Variants in NR1D2 observed in about 807,000 individuals in gnomAD.
The protein encoded by NR1D2 is nuclear receptor subfamily 1 group D member 2.
NR1D2 carries 25 observed loss-of-function variants against 52.2 expected under a neutral mutation model. That is an observed-to-expected ratio of 0.48 (90% CI 0.35 to 0.67). The LOEUF is 0.67. Among genes scored for constraint, NR1D2 ranks in the 30% least tolerant of loss-of-function variants. The pLI, the probability that NR1D2 is intolerant of heterozygous loss-of-function variation, is 0.01. For missense variants in NR1D2, 681 were observed against 707.2 expected (o/e 0.96, Z 0.42); for synonymous variants, 259 against 230.1 (o/e 1.13, Z -1.14).
chr3:23,964,783 T>C (rs928269421), intron 5 of NR1D2, 194 bp from the exon 6 acceptor site: 2 of 456,894 alleles, frequency 4.4e-6, no homozygotes. Flanking sequence ...TTAATTGCTA[T>C]TTATATTAGG....
chr3:23,976,695 C>T (rs1029680875), intron 7 of NR1D2, among the ~76,000 whole-genome samples: 2 of 152,144 alleles, frequency 1.3e-5, no homozygotes, highest in African/African-American at 2.4e-5. Context: ...GAACGGACAT[C>T]CTATCAATTC....
Position 23,964,431 on chromosome 3 carries a change from G to A in NR1D2, c.1147-546G>A, listed in dbSNP as rs191902027. On this transcript the variant is annotated intron_variant, in intron 5 of 7. Transcript: ENST00000312521. The stretch of plus-strand genomic sequence containing the variant: ...AGGCACCTTGCTGTTTTTTCTTCTT[G>A]GAAATTACAACATTGTAATTCTACC... 1.2e-3 allele frequency among the ~76,000 whole-genome samples: 178 copies of A among 152,006 alleles called. 2 individuals are homozygous for A. Among genetic ancestry groups the A allele is most frequent in the African/African-American group, 4.0e-3 (165 of 41,482 alleles).
intron 5 of NR1D2, chr3:23,963,397 G>T: frequency 8.1e-7 from 1 of 1,239,948 alleles, no homozygotes. Flanking sequence ...TAAAATTTTT[G>T]TTGTCACTTG....
chr3:23,947,915 C>G (rs966307700), intron 1 of NR1D2, among the ~76,000 whole-genome samples: 2 of 152,024 alleles, frequency 1.3e-5, no homozygotes, highest in African/African-American at 2.4e-5. Context: ...GTAAGGAGTT[C>G]GAGACCAGCC....
Position 23,978,068 on chromosome 3 carries a change from A to G in NR1D2, c.*649A>G, listed in dbSNP as rs1327844504. ...ATAAGGTAAAATTTCTGTTATTACA[A>G]TTATTCATAATAATATTCTTTTCTT... On this transcript the variant is annotated 3_prime_UTR_variant, in exon 8 of 8. Coordinates refer to ENST00000312521, the MANE Select transcript of NR1D2 (RefSeq NM_005126.5). 4 of 152,184 alleles carry G rather than the reference A, an allele frequency of 2.6e-5. No individual in the cohort carries two copies. The highest frequency in any genetic ancestry group is 6.5e-5 in the Admixed American group (1 of 15,274). The allele number at this position is 152,184 out of a possible 1,614,324, so 9.4% of individuals were successfully genotyped here. A position where few individuals can be genotyped will look rare whatever the true frequency, so the allele number is the denominator to read the frequency against.
chr3:23,946,221 A>C (rs573967762), intron 1 of NR1D2: 1 of 985,430 alleles, frequency 1.0e-6, no homozygotes, highest in African/African-American at 1.7e-5. Flanking sequence ...CTGACACCGC[A>C]GTGCACCGGA....
At chr3:23,966,701 G>A (rs564152414) in intron 6 of NR1D2, among the ~76,000 whole-genome samples, 2 of 152,318 alleles carry the variant, frequency 1.3e-5, no homozygotes, top group East Asian at 3.9e-4. Context: ...TCTTCTTGGA[G>A]TATTTATTGC....
At chr3:23,975,125 T>G (rs999105291) in intron 7 of NR1D2, among the ~76,000 whole-genome samples, 2 of 151,846 alleles carry the variant, frequency 1.3e-5, no homozygotes, top group African/African-American at 4.8e-5. Flanking sequence ...TGCCCAACAT[T>G]CTTTTTATTT....
intron 2 of NR1D2, 52 bp from the exon 3 acceptor site, chr3:23,955,985 A>G (rs1706071863): frequency 7.8e-7 from 1 of 1,288,758 alleles, no homozygotes; most frequent in Non-Finnish European, 1.1e-6. Context: ...TGGAAAGAAA[A>G]CAGACTCGGT....
At chr3:23,950,679 C>T (rs2125282508) in intron 1 of NR1D2, among the ~76,000 whole-genome samples, 1 of 152,274 alleles carries the variant, frequency 6.6e-6, no homozygotes, top group Admixed American at 6.5e-5. Context: ...CTTTGATTTT[C>T]TGGTGCCTGG....
At chr3:23,964,927 T>C (rs1182021126) in intron 5 of NR1D2, 50 bp from the exon 6 acceptor site, 36 of 1,273,532 alleles carry the variant, frequency 2.8e-5, no homozygotes, top group Non-Finnish European at 4.0e-5. Context: ...TTTTGACATT[T>C]CTTTACCACC....
intron 1 of NR1D2, among the ~76,000 whole-genome samples, chr3:23,953,135 G>A (rs11710863): frequency 8.6e-5 from 13 of 151,302 alleles, no homozygotes; most frequent in Admixed American, 3.3e-4. Context: ...TCAGGAGTTC[G>A]AGACCAGTCT....
At position 23,968,948 on chromosome 3, in the gene NR1D2, C is replaced by T. The variant is rs141183558; in HGVS notation, c.1543+925C>T. On this transcript the variant is annotated intron_variant, in intron 7 of 7. Transcript: ENST00000312521. ...TTGTGAGAGTTATAAGTTACGGCCT[C>T]TGATTATGTAGCTAAACCATAAATT... Among the ~76,000 whole-genome samples the T allele has an allele frequency of 1.9e-3, 284 of 152,238 alleles. 1 individual carries two copies. Among genetic ancestry groups the T allele is most frequent in the African/African-American group, 6.6e-3 (275 of 41,552 alleles).
At chr3:23,950,923 A>C (rs1408954808) in intron 1 of NR1D2, among the ~76,000 whole-genome samples, 2 of 46,826 alleles carry the variant, frequency 4.3e-5, no homozygotes, top group South Asian at 1.3e-3. Context: ...TTTTTTTTTG[A>C]GATGGAGTTT....
chr3:23,949,625 G>A (rs1389785372), intron 1 of NR1D2, among the ~76,000 whole-genome samples: 1 of 152,194 alleles, frequency 6.6e-6, no homozygotes, highest in Non-Finnish European at 1.5e-5. Context: ...GCTGTTCTCT[G>A]GAGCCCTGAC....
chr3:23,966,132 T>A (rs968306677), intron 6 of NR1D2, among the ~76,000 whole-genome samples: 2 of 152,200 alleles, frequency 1.3e-5, no homozygotes, highest in Non-Finnish European at 2.9e-5. Flanking sequence ...AGGTGTGAGA[T>A]GCCTTGGGAC....
chr3:23,962,673 G>A, intron 5 of NR1D2, 68 bp downstream of exon 5: 17 of 1,454,704 alleles, frequency 1.2e-5, no homozygotes, highest in Non-Finnish European at 1.6e-5. Context: ...TTTTATTCGG[G>A]AGATATGCTA....
intron 7 of NR1D2, among the ~76,000 whole-genome samples, chr3:23,971,066 C>T (rs1706575887): frequency 6.6e-6 from 1 of 152,106 alleles, no homozygotes; most frequent in Admixed American, 6.5e-5. Context: ...CAGGCATGAG[C>T]CACCGTGCCC....
intron 3 of NR1D2, 86 bp from the exon 4 acceptor site, chr3:23,959,585 T>C (rs1311259721): frequency 7.8e-7 from 1 of 1,283,886 alleles, no homozygotes; most frequent in South Asian, 1.4e-5. Context: ...GTTCGTCATA[T>C]ACACTAGATA....
Sources: allele counts gnomAD v4.1 joint callset (sites outside exome capture counted in the v4.1 genomes callset), GRCh38; gene constraint gnomAD v4.1.1; transcripts MANE v1.5; gene names NCBI Gene and HGNC (gene_info 2026-07-23, HGNC 2026-07-21).